Variants in CXADR observed in about 807,000 individuals in gnomAD.
CXADR encodes CXADR cell adhesion molecule, also known as coxsackievirus and adenovirus receptor.
CXADR carries 20 observed loss-of-function variants against 40.3 expected under a neutral mutation model. The observed-to-expected ratio is 0.50, with a 90% confidence interval of 0.35 to 0.72. The LOEUF is 0.72. Ranked by LOEUF, CXADR falls within the 30% of genes least tolerant of loss-of-function variation. The pLI, the probability that CXADR is intolerant of heterozygous loss-of-function variation, is 0.01. For missense variants in CXADR, 332 were observed against 449.1 expected (o/e 0.74, Z 2.36); for synonymous variants, 150 against 161.3 (o/e 0.93, Z 0.53).
At chr21:17,557,349 A>G (rs1382009391) in intron 3 of CXADR, among the ~76,000 whole-genome samples, 2 of 152,150 alleles carry the variant, frequency 1.3e-5, no homozygotes, top group Non-Finnish European at 2.9e-5. Flanking sequence ...ACCTCCTCAC[A>G]GCTCCCACTT....
chr21:17,595,705 A>G (rs1354610496), downstream of CXADR, among the ~76,000 whole-genome samples: 1 of 152,030 alleles, frequency 6.6e-6, no homozygotes, highest in East Asian at 1.9e-4. Context: ...ACAATGATAC[A>G]CAACGAACAA....
At chr21:17,548,215 T>A (rs190114394) in intron 2 of CXADR, among the ~76,000 whole-genome samples, 2 of 152,316 alleles carry the variant, frequency 1.3e-5, no homozygotes, top group East Asian at 3.9e-4. Context: ...ACAAGTAACA[T>A]CCTTCCATTT....
At chr21:17,631,882 G>GCTCA in the CXADR span, among the ~76,000 whole-genome samples, 1 of 152,140 alleles carries the variant, frequency 6.6e-6, no homozygotes, top group East Asian at 1.9e-4. Context: ...TTGGATCACG[G>GCTCA]CTCACTGCAC....
At chr21:17,588,893 T>G (rs2061415855) in intron 7 of CXADR, among the ~76,000 whole-genome samples, 1 of 152,080 alleles carries the variant, frequency 6.6e-6, no homozygotes, top group Non-Finnish European at 1.5e-5. Flanking sequence ...TGTAGAAAAG[T>G]AAAGCTTTTA....
rs572552965 is a variant in CXADR at position 17,541,903 on chromosome 21, C to T, written c.44-5124C>T. The stretch of plus-strand genomic sequence containing the variant: ...ACCAGATTTCTTCACTGTAAAGTTA[C>T]TACTTTTTCCTCTGTAATGAAAGTG... On this transcript the variant is annotated intron_variant, in intron 1 of 6. Coordinates refer to ENST00000284878, the MANE Select transcript of CXADR (RefSeq NM_001338.5). 4 of 233,222 alleles carry T rather than the reference C, an allele frequency of 1.7e-5. 1 individual carries two copies. The highest frequency in any genetic ancestry group is 9.4e-5 in the African/African-American group (4 of 42,336). The allele number at this position is 233,222 out of a possible 1,614,324, so 14.4% of individuals were successfully genotyped here.
intron 1 of CXADR, among the ~76,000 whole-genome samples, chr21:17,518,118 A>G (rs1027822999): frequency 1.8e-4 from 28 of 151,990 alleles, no homozygotes; most frequent in African/African-American, 6.3e-4. Flanking sequence ...TTATAGGGGG[A>G]AAAGAAAAGT....
At chr21:17,588,729 G>A (rs2061414691) in intron 7 of CXADR, among the ~76,000 whole-genome samples, 1 of 151,944 alleles carries the variant, frequency 6.6e-6, no homozygotes, top group Non-Finnish European at 1.5e-5. Context: ...AATGTAAAAG[G>A]AAAAATACTC....
At chr21:17,515,034 G>A (rs1239986993) in intron 1 of CXADR, among the ~76,000 whole-genome samples, 1 of 151,656 alleles carries the variant, frequency 6.6e-6, no homozygotes, top group Non-Finnish European at 1.5e-5. Flanking sequence ...ATATTTTGAT[G>A]CAGAGAGTCA....
intron 3 of CXADR, among the ~76,000 whole-genome samples, chr21:17,554,235 A>C (rs2061005739): frequency 6.6e-6 from 1 of 151,934 alleles, no homozygotes; most frequent in Non-Finnish European, 1.5e-5. Flanking sequence ...GCAGTTCTCA[A>C]CTGAAGAGAA....
intron 1 of CXADR, among the ~76,000 whole-genome samples, chr21:17,545,072 G>GTTTTTTTTT: frequency 1.8e-5 from 1 of 55,424 alleles, no homozygotes; most frequent in Non-Finnish European, 3.3e-5. Context: ...GCTCTAATGT[G>GTTTTTTTTT]TTTTTTTTTT....
chr21:17,625,743 T>G, the CXADR span, among the ~76,000 whole-genome samples: 1 of 152,190 alleles, frequency 6.6e-6, no homozygotes, highest in Non-Finnish European at 1.5e-5. Context: ...CTTATACATT[T>G]CCTCGTTTAA....
intron 1 of CXADR, among the ~76,000 whole-genome samples, chr21:17,524,909 C>CA (rs1400668900): frequency 6.6e-6 from 1 of 151,906 alleles, no homozygotes; most frequent in Non-Finnish European, 1.5e-5. Flanking sequence ...ACCCTGTGTC[C>CA]AAAAAAAGTT....
At chr21:17,571,491 A>T (rs1181902979), downstream of CXADR, among the ~76,000 whole-genome samples, 3 of 152,236 alleles carry the variant, frequency 2.0e-5, no homozygotes, top group Non-Finnish European at 4.4e-5. Context: ...TTTCTGCTTA[A>T]CAAATGGCAA....
downstream of CXADR, among the ~76,000 whole-genome samples, chr21:17,572,535 A>G (rs2061286742): frequency 6.6e-6 from 1 of 151,524 alleles, no homozygotes; most frequent in African/African-American, 2.4e-5. Context: ...GAAGCATTTC[A>G]GAAATATATT....
chr21:17,513,735 C>T (rs1044131596), intron 1 of CXADR, among the ~76,000 whole-genome samples: 10 of 152,222 alleles, frequency 6.6e-5, no homozygotes, highest in Admixed American at 2.0e-4. Context: ...TGTTAGTCTC[C>T]TGGAAGCAGC....
intron 3 of CXADR, among the ~76,000 whole-genome samples, chr21:17,555,342 C>T (rs1301877118): frequency 6.6e-6 from 1 of 152,168 alleles, no homozygotes; most frequent in Non-Finnish European, 1.5e-5. Context: ...ATTTGCAAAC[C>T]ATTGATACTG....
chr21:17,549,168 A>G (rs2060935258), intron 2 of CXADR, among the ~76,000 whole-genome samples: 1 of 152,198 alleles, frequency 6.6e-6, no homozygotes, highest in South Asian at 2.1e-4. Flanking sequence ...AAAACAACAT[A>G]GTAAGGTGAG....
chr21:17,553,409 CT>C (rs939182525), intron 3 of CXADR, among the ~76,000 whole-genome samples: 19 of 152,108 alleles, frequency 1.2e-4, no homozygotes, highest in Non-Finnish European at 5.9e-5. Flanking sequence ...TGAAGAGGTC[CT>C]GGTGAAATGC....
chr21:17,610,442 GATCT>G, the CXADR span, among the ~76,000 whole-genome samples: 2 of 152,156 alleles, frequency 1.3e-5, no homozygotes, highest in South Asian at 2.1e-4. Context: ...AAAACTAGTG[GATCT>G]ATCAGGACAT....
Sources: allele counts gnomAD v4.1 joint callset (sites outside exome capture counted in the v4.1 genomes callset), GRCh38; gene constraint gnomAD v4.1.1; transcripts MANE v1.5; gene names NCBI Gene and HGNC (gene_info 2026-07-23, HGNC 2026-07-21).